Variants in ABCA12 observed in about 807,000 individuals in gnomAD.
The protein encoded by ABCA12 is ATP binding cassette subfamily A member 12, also known as glucosylceramide transporter ABCA12.
ABCA12 carries 156 observed loss-of-function variants against 293.5 expected under a neutral mutation model. The ratio of observed to expected loss-of-function variants is 0.53; its 90% CI spans 0.47 to 0.61. The LOEUF (loss-of-function observed/expected upper bound fraction) is 0.61, where lower values mean the gene tolerates loss of function less well. Among genes scored for constraint, ABCA12 ranks in the 20% least tolerant of loss-of-function variants. The pLI is 0.00. For synonymous variants in ABCA12, 1,063 were observed against 1,108.0 expected (o/e 0.96, Z 0.81); for missense variants, 2,797 against 3,090.2 (o/e 0.91, Z 2.25).
At chr2:215,006,351 A>G (rs1259903434) in intron 19 of ABCA12, among the ~76,000 whole-genome samples, 3 of 152,194 alleles carry the variant, frequency 2.0e-5, no homozygotes, top group Non-Finnish European at 4.4e-5. Context: ...GACTCACTAG[A>G]AAAGGCCACT....
At chr2:214,932,959 A>G (rs747580171) in intron 52 of ABCA12, among the ~76,000 whole-genome samples, 20 of 152,128 alleles carry the variant, frequency 1.3e-4, no homozygotes, top group Admixed American at 5.9e-4. Context: ...AACAGCACCT[A>G]TATCTATGAC....
At chr2:215,039,759 AAAATAAAT>A (rs79648313) in intron 7 of ABCA12, among the ~76,000 whole-genome samples, 31 of 151,162 alleles carry the variant, frequency 2.1e-4, no homozygotes, top group East Asian at 1.8e-3. Flanking sequence ...CTTCTCACAA[AAAATAAAT>A]AAATAAATAA....
intron 1 of ABCA12, among the ~76,000 whole-genome samples, chr2:215,121,904 CTG>C (rs748262751): frequency 6.6e-6 from 1 of 152,168 alleles, no homozygotes; most frequent in African/African-American, 2.4e-5. Flanking sequence ...CCATGTGAAA[CTG>C]TGAGTCCATT....
chr2:215,119,556 T>C (rs1286044295), intron 1 of ABCA12, among the ~76,000 whole-genome samples: 2 of 152,144 alleles, frequency 1.3e-5, no homozygotes, highest in South Asian at 4.2e-4. Flanking sequence ...TCTTATTGAA[T>C]AGGGAGTCCT....
intron 35 of ABCA12, 72 bp downstream of exon 35, chr2:214,974,706 C>T (rs764922287): frequency 6.5e-6 from 9 of 1,375,154 alleles, no homozygotes; most frequent in African/African-American, 1.4e-5. Context: ...CAGACACACA[C>T]ACCCACATAC....
At chr2:214,981,601 G>C (rs1188412545) in intron 30 of ABCA12, among the ~76,000 whole-genome samples, 3 of 152,082 alleles carry the variant, frequency 2.0e-5, no homozygotes, top group Admixed American at 2.0e-4. Flanking sequence ...CCAGAAAGTT[G>C]TCTGGGAGAA....
intron 13 of ABCA12, 37 bp from the exon 14 acceptor site, chr2:215,018,169 G>A (rs377447998): frequency 1.2e-4 from 197 of 1,595,852 alleles, no homozygotes; most frequent in Admixed American, 2.1e-4. Flanking sequence ...AACCCATGTT[G>A]GTTTGTCAGG....
chr2:214,934,231 GA>G lies in ABCA12; in HGVS notation c.7543-17del, dbSNP rs1202129544. The stretch of plus-strand genomic sequence containing the variant: ...GGTGCTGATCCTGTGGGAACCAAAG[GA>G]AAAAAGTTTATTTTGCAATGTCTGG... On this transcript the variant is annotated splice_polypyrimidine_tract_variant and intron_variant, in intron 51 of 52. Transcript: ENST00000272895. 3.1e-6 allele frequency: 5 copies of G among 1,613,424 alleles called. No individual in the cohort carries two copies. The highest frequency in any genetic ancestry group is 4.2e-6 in the Non-Finnish European group (5 of 1,179,566).
intron 1 of ABCA12, among the ~76,000 whole-genome samples, chr2:215,112,101 T>A (rs1702583844): frequency 6.6e-6 from 1 of 152,192 alleles, no homozygotes; most frequent in Admixed American, 6.5e-5. Context: ...ATGCCTATTT[T>A]AGCCCTTTCA....
intron 29 of ABCA12, among the ~76,000 whole-genome samples, chr2:214,983,415 G>A (rs868091834): frequency 1.3e-5 from 2 of 152,152 alleles, no homozygotes; most frequent in East Asian, 1.9e-4. Context: ...CAAAGGATTC[G>A]GGGCAATATG....
intron 44 of ABCA12, among the ~76,000 whole-genome samples, chr2:214,953,344 G>T (rs978042421): frequency 6.6e-6 from 1 of 152,188 alleles, no homozygotes; most frequent in African/African-American, 2.4e-5. Context: ...AAGTAAGTCT[G>T]TGTATCTGTG....
intron 28 of ABCA12, among the ~76,000 whole-genome samples, chr2:214,984,851 G>T (rs777382243): frequency 6.6e-6 from 1 of 151,950 alleles, no homozygotes; most frequent in Non-Finnish European, 1.5e-5. Context: ...TCTACTTCCC[G>T]CATGCTCTTT....
At chr2:215,128,475 T>C (rs911153994) in intron 1 of ABCA12, among the ~76,000 whole-genome samples, 19 of 152,212 alleles carry the variant, frequency 1.2e-4, no homozygotes, top group African/African-American at 4.1e-4. Flanking sequence ...TTAGACTTCT[T>C]GGAAGCTTTG....
At chr2:214,952,519 TA>T (rs1326687566) in intron 44 of ABCA12, among the ~76,000 whole-genome samples, 2 of 152,098 alleles carry the variant, frequency 1.3e-5, no homozygotes, top group Non-Finnish European at 2.9e-5. Flanking sequence ...CCGCACCTTA[TA>T]ACACCCTATC....
At chr2:215,108,587 C>T (rs1386996574) in intron 2 of ABCA12, among the ~76,000 whole-genome samples, 2 of 152,100 alleles carry the variant, frequency 1.3e-5, no homozygotes, top group Non-Finnish European at 2.9e-5. Flanking sequence ...CAGTCACCAC[C>T]TTACTAAATA....
intron 15 of ABCA12, among the ~76,000 whole-genome samples, chr2:215,012,559 A>G (rs1178237909): frequency 6.6e-6 from 1 of 152,236 alleles, no homozygotes; most frequent in Non-Finnish European, 1.5e-5. Context: ...TCATGATTCA[A>G]TTTATATGTA....
chr2:215,120,864 A>C (rs771257547), intron 1 of ABCA12, among the ~76,000 whole-genome samples: 2 of 152,308 alleles, frequency 1.3e-5, no homozygotes, highest in East Asian at 3.9e-4. Flanking sequence ...AATTCTATGA[A>C]TATTTGAAGA....
chr2:215,131,093 G>C (rs1475565853), intron 1 of ABCA12, among the ~76,000 whole-genome samples: 1 of 151,616 alleles, frequency 6.6e-6, no homozygotes, highest in African/African-American at 2.4e-5. Context: ...CCTGATCATG[G>C]TGAATCATTT....
chr2:214,987,705 C>T lies in ABCA12; in HGVS notation c.3918G>A (p.Glu1306=), dbSNP rs370828016. 4.3e-6 allele frequency: 7 copies of T among 1,613,958 alleles called. No individual in the cohort carries two copies. In the African/African-American group the frequency reaches 5.3e-5, roughly 12 times the overall value. ...ERFGCAEVKP[E]KSNGLMFTNI... Reference sequence around the variant, plus strand: ...TAGTAAACATGAGGCCATTGCTCTTCTCAGGCTTCACCTCTGCACACCCAA... The same window carrying T: ...TAGTAAACATGAGGCCATTGCTCTTTTCAGGCTTCACCTCTGCACACCCAA... The change falls in exon 27 of 53, where the codon GAG becomes GAA. Residue 1306 remains glutamate, a synonymous_variant. Coordinates refer to ENST00000272895, the MANE Select transcript of ABCA12 (RefSeq NM_173076.3).
Sources: allele counts gnomAD v4.1 joint callset (sites outside exome capture counted in the v4.1 genomes callset), GRCh38; gene constraint gnomAD v4.1.1; transcripts MANE v1.5; gene names NCBI Gene and HGNC (gene_info 2026-07-23, HGNC 2026-07-21).